The following NRP1 variants were observed in gnomAD, a reference collection of about 807,000 sequenced individuals.
NRP1 encodes neuropilin-1.
NRP1 carries 35 observed loss-of-function variants against 106.7 expected under a neutral mutation model. The observed-to-expected ratio is 0.33, with a 90% CI of 0.25 to 0.43. The LOEUF (loss-of-function observed/expected upper bound fraction) is 0.43, where lower values mean the gene tolerates loss of function less well. Ranked by LOEUF, NRP1 falls within the 20% of genes least tolerant of loss-of-function variation. NRP1 has a pLI of 1.00. For synonymous variants in NRP1, 437 were observed against 417.9 expected, an observed-to-expected ratio of 1.05 and a Z score of -0.56; for missense variants, 1,024 against 1,170.4, an observed-to-expected ratio of 0.87 and a Z score of 1.83.
intron 2 of NRP1, among the ~76,000 whole-genome samples, chr10:33,322,384 T>C (rs1478487839): frequency 6.6e-6 from 1 of 152,132 alleles, no homozygotes; most frequent in African/African-American, 2.4e-5. Context: ...TATTTGTTTT[T>C]TTAAAAACTG....
At chr10:33,237,487 GCACACA>G (rs111698441) in intron 6 of NRP1, among the ~76,000 whole-genome samples, 30 of 144,846 alleles carry the variant, frequency 2.1e-4, no homozygotes, top group Admixed American at 7.6e-4. Flanking sequence ...ACATGCGCGC[GCACACA>G]CACACACACA....
chr10:33,195,930 C>A (rs930858112), intron 12 of NRP1, among the ~76,000 whole-genome samples: 6 of 152,160 alleles, frequency 3.9e-5, no homozygotes, highest in Non-Finnish European at 7.3e-5. Flanking sequence ...GTGATAGCAA[C>A]GGGTCCTACT....
intron 4 of NRP1, among the ~76,000 whole-genome samples, 170 bp from the exon 5 acceptor site, chr10:33,256,641 C>T (rs557205486): frequency 7.9e-5 from 12 of 152,252 alleles, no homozygotes; most frequent in Non-Finnish European, 1.3e-4. Flanking sequence ...ATTGGGTTTG[C>T]GGAGAAGATT....
At position 33,304,289 on chromosome 10, in the gene NRP1, C is replaced by T. The variant is rs1343177610; in HGVS notation, c.248+26419G>A. 3.9e-5 allele frequency among the ~76,000 whole-genome samples: 6 copies of T among 152,268 alleles called. No individual in the cohort carries two copies. In the East Asian group the frequency reaches 1.2e-3, roughly 29 times the overall value. ...TTTCTTTGAATGAAATTCCCTCCCC[C>T]AGATGGACTATTTCACCACAGCAAA... On this transcript the variant is annotated intron_variant, in intron 2 of 16. Coordinates refer to ENST00000374867, the MANE Select transcript of NRP1 (RefSeq NM_003873.7).
intron 2 of NRP1, among the ~76,000 whole-genome samples, chr10:33,276,330 C>A (rs1287933927): frequency 1.3e-5 from 2 of 151,578 alleles, no homozygotes; most frequent in Non-Finnish European, 2.9e-5. Flanking sequence ...TTTTTTTCTT[C>A]CCCCACCCAC....
intron 6 of NRP1, among the ~76,000 whole-genome samples, chr10:33,248,319 C>T (rs975696328): frequency 1.1e-4 from 16 of 152,120 alleles, no homozygotes; most frequent in South Asian, 2.1e-4. Context: ...AAGGGAAGAG[C>T]GCTATGGAAA....
At chr10:33,182,085 ACT>A (rs758239874) in intron 16 of NRP1, among the ~76,000 whole-genome samples, 24 of 152,134 alleles carry the variant, frequency 1.6e-4, no homozygotes, top group Non-Finnish European at 2.6e-4. Context: ...ACAGAGACAG[ACT>A]CTGTCTCAAG....
At chr10:33,230,107 C>T (rs1263551744) in intron 6 of NRP1, among the ~76,000 whole-genome samples, 1 of 152,124 alleles carries the variant, frequency 6.6e-6, no homozygotes, top group Non-Finnish European at 1.5e-5. Flanking sequence ...GTGCAACCCT[C>T]ACTGCTAAGA....
chr10:33,276,548 C>G (rs936168421), intron 2 of NRP1, among the ~76,000 whole-genome samples: 3 of 152,124 alleles, frequency 2.0e-5, no homozygotes, highest in African/African-American at 7.2e-5. Flanking sequence ...TAGAAAGAGC[C>G]CTGAGCTGGG....
At position 33,202,939 on chromosome 10, in the gene NRP1, C is replaced by T. The variant is rs766803868; in HGVS notation, c.1816G>A (p.Asp606Asn). 6.2e-6 allele frequency: 10 copies of T among 1,614,136 alleles called. No homozygotes were observed. Among genetic ancestry groups the T allele is most frequent in the Non-Finnish European group, 7.6e-6 (9 of 1,180,036 alleles). ...GTTCCACTGTGGCAGTTGGCCTGGT[C>T]GTCATCACATTCATCCACCAAGTTC... ...NGNLVDECDD[D>N]QANCHSGTGD... Residue 606 changes from aspartate to asparagine, a missense_variant, in exon 11 of 17, where the codon GAC becomes AAC. Physicochemically the swap from Asp to Asn is conservative, Grantham distance 23. Around this residue, in one of 5 missense-constraint regions of NRP1, gnomAD observed 562 missense variants for 620.3 expected, o/e 0.91. Coordinates refer to ENST00000374867, the MANE Select transcript of NRP1 (RefSeq NM_003873.7).
Position 33,179,896 on chromosome 10 carries a change from T to C in NRP1, c.*180A>G, listed in dbSNP as rs1393727548. On this transcript the variant is annotated 3_prime_UTR_variant, in exon 17 of 17. Coordinates refer to ENST00000374867, the MANE Select transcript of NRP1 (RefSeq NM_003873.7). The stretch of plus-strand genomic sequence containing the variant: ...AAAAGCTGACTGCACATGAGTCCGA[T>C]GGTGAACACAGCTCCTTGTCCATGT... The C allele has an allele frequency of 1.5e-6, 1 of 665,736 alleles. No homozygotes were observed. Among genetic ancestry groups the C allele is most frequent in the Non-Finnish European group, 2.6e-6 (1 of 378,590 alleles). The allele number at this position is 665,736 out of a possible 1,614,324, so 41.2% of individuals were successfully genotyped here.
At chr10:33,215,169 A>G (rs950209049) in intron 8 of NRP1, among the ~76,000 whole-genome samples, 1 of 152,160 alleles carries the variant, frequency 6.6e-6, no homozygotes, top group Non-Finnish European at 1.5e-5. Flanking sequence ...ATTACTGACA[A>G]TACATCTCAG....
chr10:33,226,414 C>T (rs527957444), intron 6 of NRP1, 125 bp from the exon 7 acceptor site: 23 of 950,406 alleles, frequency 2.4e-5, no homozygotes, highest in East Asian at 5.1e-5. Context: ...CTCATTCCAT[C>T]GGGTGTCCAC....
intron 15 of NRP1, among the ~76,000 whole-genome samples, chr10:33,183,448 C>A (rs1419996189): frequency 6.6e-6 from 1 of 152,062 alleles, no homozygotes; most frequent in African/African-American, 2.4e-5. Context: ...CATATGGTGA[C>A]CATCCTATAG....
At position 33,182,700 on chromosome 10, in the gene NRP1, G is replaced by C. The variant is rs759421479; in HGVS notation, c.2480C>G (p.Thr827Arg). 1.2e-6 allele frequency: 2 copies of C among 1,611,446 alleles called. No individual in the cohort carries two copies. Among genetic ancestry groups the C allele is most frequent in the Non-Finnish European group, 1.7e-6 (2 of 1,178,442 alleles). Reference protein sequence around the residue: ...KKNPEIKIDETGSTPGYEGEG... With the variant: ...KKNPEIKIDERGSTPGYEGEG... Reference sequence around the variant, plus strand: ...ATTGGTCAGCAAGACAAATTTACCTGTTTCATCAATTTTAATTTCTGGGTT... The same window carrying C: ...ATTGGTCAGCAAGACAAATTTACCTCTTTCATCAATTTTAATTTCTGGGTT... The change falls in exon 16 of 17, where the codon ACA (threonine) becomes AGA (arginine). Residue 827 changes from threonine (T) to arginine (R), a missense_variant and splice_region_variant. This residue lies in a region of NRP1 where 164 missense variants were observed against 161.4 expected (regional missense o/e 1.02). Transcript: ENST00000374867.
chr10:33,258,554 G>T (rs545338674), intron 4 of NRP1, among the ~76,000 whole-genome samples: 2 of 152,324 alleles, frequency 1.3e-5, no homozygotes, highest in East Asian at 3.9e-4. Context: ...ACGGACAATA[G>T]CTTTGCATTA....
chr10:33,254,941 G>A (rs1319014), intron 5 of NRP1, among the ~76,000 whole-genome samples: 77,966 of 151,996 alleles, frequency 0.51, 20,529 homozygotes, highest in East Asian at 0.7. Context: ...CAGGGACGTG[G>A]TGTTTCAAGG....
At chr10:33,298,798 C>A (rs1489078800) in intron 2 of NRP1, among the ~76,000 whole-genome samples, 2 of 152,264 alleles carry the variant, frequency 1.3e-5, no homozygotes, top group East Asian at 1.9e-4. Flanking sequence ...TATATTTACA[C>A]GCATACCACC....
intron 2 of NRP1, among the ~76,000 whole-genome samples, chr10:33,320,818 G>A (rs1847449851): frequency 6.6e-6 from 1 of 152,148 alleles, no homozygotes; most frequent in Admixed American, 6.6e-5. Flanking sequence ...TCTTGCTGGG[G>A]TCTGCCACCC....
Sources: gnomAD v4.1 joint callset for allele counts (sites outside exome capture counted in the v4.1 genomes callset) on GRCh38, gnomAD v4.1.1 for gene constraint, gnomAD v4.1.1 regional missense constraint, MANE v1.5 for transcripts, NCBI Gene and HGNC (gene_info 2026-07-23, HGNC 2026-07-21) for gene names.